The following HDAC7 variants were observed in gnomAD, a reference collection of about 807,000 sequenced individuals.
HDAC7 encodes histone deacetylase 7A.
A neutral mutation model predicts 115.5 loss-of-function variants in HDAC7; 26 were observed. The ratio of observed to expected loss-of-function variants is 0.23; its 90% CI spans 0.16 to 0.31. HDAC7 has a LOEUF of 0.31. Among genes scored for constraint, HDAC7 ranks in the 10% least tolerant of loss-of-function variants. The pLI is 1.00. For missense variants in HDAC7, 1,068 were observed against 1,329.0 expected (o/e 0.80, Z 3.05); for synonymous variants, 564 against 550.9 (o/e 1.02, Z -0.33).
rs917336226 is a variant in HDAC7 at position 47,796,925 on chromosome 12, G to A, written c.703+92C>T. ...TGCAACCACGCATGGCAGTCCTAAG[G>A]AGGGGACCCCTGTCTAGGTGGGGCC... is the stretch of plus-strand genomic sequence containing the variant. On this transcript the variant is annotated intron_variant, in intron 7 of 25. Transcript: ENST00000080059. The A allele has an allele frequency of 2.3e-5, 32 of 1,419,766 alleles. No homozygotes were observed. In the African/African-American group the frequency reaches 4.3e-4, roughly 19 times the overall value. The allele number at this position is 1,419,766 out of a possible 1,614,324, so 87.9% of individuals were successfully genotyped here. A position where few individuals can be genotyped will look rare whatever the true frequency, so the allele number is the denominator to read the frequency against.
chr12:47,802,627 C>A, intron 1 of HDAC7: 1 of 686,510 alleles, frequency 1.5e-6, no homozygotes, highest in South Asian at 1.9e-5. Flanking sequence ...AAACCAGGCT[C>A]CCATCGCCCG....
intron 13 of HDAC7, chr12:47,792,780 T>G: frequency 2.3e-6 from 1 of 426,604 alleles, no homozygotes; most frequent in South Asian, 1.6e-5. Flanking sequence ...ATGAAATACA[T>G]TAATGAAATA....
chr12:47,814,441 C>A (rs967177542), intron 1 of HDAC7, among the ~76,000 whole-genome samples: 1 of 152,170 alleles, frequency 6.6e-6, no homozygotes, highest in Admixed American at 6.5e-5. Flanking sequence ...GGGGAGATGG[C>A]GGAGAAGGGA....
intron 19 of HDAC7, 81 bp from the exon 20 acceptor site, chr12:47,788,245 GCCATTCTGAGGTCAGGAC>G: frequency 6.7e-7 from 1 of 1,493,678 alleles, no homozygotes; most frequent in African/African-American, 1.4e-5. Flanking sequence ...AAGGTCAGTG[GCCATTCTGAGGTCAGGAC>G]CCTAGACTGG....
chr12:47,784,302 C>A, intron 24 of HDAC7, 85 bp from the exon 25 acceptor site: 1 of 1,434,164 alleles, frequency 7.0e-7, no homozygotes, highest in Non-Finnish European at 9.3e-7. Flanking sequence ...AGGTTGGTGT[C>A]TCAGGCCCAG....
chr12:47,798,139 C>G lies in HDAC7; in HGVS notation c.430G>C (p.Val144Leu). ...GGAATGCCGGGGCTGTTGGGATGGA[C>G]TGTTCTTTCTAGGGCCGCCTGCTGT... ...KKQQAALERT[V>L]HPNSPGIPYR... Residue 144 changes from valine (V) to leucine (L), a missense_variant, in exon 5 of 26, where the codon GTC (valine) becomes CTC (leucine). By Grantham distance (32) the Val-to-Leu change is conservative. Around this residue, in one of 6 missense-constraint regions of HDAC7, gnomAD observed 618 missense variants for 701.5 expected, o/e 0.88. Transcript: ENST00000080059. This position sits in a 1 kb window ranked among gnomAD's most constrained non-coding sequence, Gnocchi z 4.3. 1 of 1,613,726 alleles carries G rather than the reference C, an allele frequency of 6.2e-7. No individual in the cohort carries two copies. Among genetic ancestry groups the G allele is most frequent in the Non-Finnish European group, 8.5e-7 (1 of 1,179,854 alleles).
At chr12:47,810,228 G>C (rs143160415) in intron 1 of HDAC7, among the ~76,000 whole-genome samples, 3,337 of 152,300 alleles carry the variant, frequency 0.022, 140 homozygotes, top group African/African-American at 0.077. Flanking sequence ...TTACAGGCGT[G>C]AACCACTGCG....
intron 1 of HDAC7, among the ~76,000 whole-genome samples, chr12:47,806,447 C>T (rs1380583746): frequency 6.6e-6 from 1 of 152,204 alleles, no homozygotes; most frequent in Non-Finnish European, 1.5e-5. Context: ...GGAAGTTCTG[C>T]CCTGGCCAAG....
chr12:47,810,975 G>A (rs1247491568), intron 1 of HDAC7, among the ~76,000 whole-genome samples: 1 of 152,060 alleles, frequency 6.6e-6, no homozygotes, highest in African/African-American at 2.4e-5. Flanking sequence ...ACAGCCGCAC[G>A]GCTATCAGCA....
At position 47,797,895 on chromosome 12, in the gene HDAC7, T is replaced by TGTGTGTGTGTGTGTGTGTGTGAGA. The variant is rs35753431; in HGVS notation, c.461+212_461+213insTCTCACACACACACACACACACAC. On this transcript the variant is annotated intron_variant, in intron 5 of 25. Coordinates refer to ENST00000080059, the MANE Select transcript of HDAC7 (RefSeq NM_015401.5). The surrounding 1 kb of genome is among the most constrained non-coding windows in gnomAD (Gnocchi z 5.5). ...GTGTGTGTGTGTGTGTGTGTGTGTGTGAGAAGGGCTCAGGTGGGGTGGGGA... is the reference window on the plus strand; with the variant it reads ...GTGTGTGTGTGTGTGTGTGTGTGTGTGTGTGTGTGTGTGTGTGTGTGAGAGAGAAGGGCTCAGGTGGGGTGGGGA... 2.3e-4 allele frequency among the ~76,000 whole-genome samples: 33 copies of TGTGTGTGTGTGTGTGTGTGTGAGA among 143,350 alleles called. No individual in the cohort carries two copies. The highest frequency in any genetic ancestry group is 8.8e-4 in the African/African-American group (32 of 36,390). The allele number at this position is 143,350 out of a possible 152,430, so 94.0% of individuals were successfully genotyped here.
In HDAC7 at chr12:47,791,987, C is replaced by T. The variant is rs776553613; in HGVS notation, c.1696G>A (p.Val566Ile). 1.2e-6 allele frequency: 2 copies of T among 1,610,164 alleles called. No individual in the cohort carries two copies. Among genetic ancestry groups the T allele is most frequent in the Non-Finnish European group, 1.7e-6 (2 of 1,178,026 alleles). ...CAGGAGCACTGGTGCTTCAGCATGACCGAGTCATAGATCAGCCCTGCAGGA... is the reference window on the plus strand; with the variant it reads ...CAGGAGCACTGGTGCTTCAGCATGATCGAGTCATAGATCAGCCCTGCAGGA... ...PFTTGLIYDS[V>I]MLKHQCSCGD... The change falls in exon 14 of 26, where the codon GTC becomes ATC. Residue 566 changes from valine (V) to isoleucine (I), a missense_variant. Coordinates refer to ENST00000080059, the MANE Select transcript of HDAC7 (RefSeq NM_015401.5).
At chr12:47,787,877 G>A (rs1039547342) in intron 20 of HDAC7, 68 bp from the exon 21 acceptor site, 1 of 1,540,986 alleles carries the variant, frequency 6.5e-7, no homozygotes, top group Non-Finnish European at 8.9e-7. Flanking sequence ...CAGTTTGTTA[G>A]AGCTGCCAGC....
intron 12 of HDAC7, among the ~76,000 whole-genome samples, chr12:47,794,543 G>A (rs534222115): frequency 3.3e-5 from 5 of 152,348 alleles, no homozygotes; most frequent in Admixed American, 2.6e-4. Flanking sequence ...AGACTGGCAA[G>A]CTGTTGTGTG....
chr12:47,795,559 C>T lies in HDAC7; in HGVS notation c.1087+28G>A, dbSNP rs2525054. 3,158 of 1,547,548 alleles carry T rather than the reference C, an allele frequency of 2.0e-3. 61 individuals carry two copies. The African/African-American group carries it at 0.039, about 19-fold the overall frequency. On this transcript the variant is annotated intron_variant, in intron 10 of 25. Transcript: ENST00000080059. This position sits in a 1 kb window ranked among gnomAD's most constrained non-coding sequence, Gnocchi z 4.3. ...TCTTAGCAGGGTGCAGGGACCCAGC[C>T]CCTTCCCTGAAGAAGCAGCAGACTC...
intron 2 of HDAC7, among the ~76,000 whole-genome samples, chr12:47,799,302 G>A (rs1302418060): frequency 6.6e-6 from 1 of 152,092 alleles, no homozygotes; most frequent in Non-Finnish European, 1.5e-5. Context: ...GATCTCCGAT[G>A]GGCTGCAGAT....
chr12:47,806,395 G>C (rs530057584), intron 1 of HDAC7, among the ~76,000 whole-genome samples: 11 of 152,376 alleles, frequency 7.2e-5, no homozygotes, highest in African/African-American at 2.6e-4. Context: ...ACCTACTTCA[G>C]GCTGGGCGAG....
rs1212049640 is a variant in HDAC7 at position 47,798,317 on chromosome 12, G to A, written c.350-98C>T. The A allele has an allele frequency of 2.7e-5, 28 of 1,040,658 alleles. No individual in the cohort carries two copies. Among genetic ancestry groups the A allele is most frequent in the East Asian group, 1.4e-4 (6 of 42,296 alleles). 64.5% of individuals were successfully genotyped at this position (1,040,658 alleles called of 1,614,324 possible). A position where few individuals can be genotyped will look rare whatever the true frequency, so the allele number is the denominator to read the frequency against. On this transcript the variant is annotated intron_variant, in intron 4 of 25. Transcript: ENST00000080059. This position sits in a 1 kb window ranked among gnomAD's most constrained non-coding sequence, Gnocchi z 4.3. ...CCTGTCCCCATCCTCAGTAGGAGGC[G>A]TCCCAGGGACTCCCTAGGCAAGAGC...
chr12:47,786,655 C>T lies in HDAC7; in HGVS notation c.2502G>A (p.Leu834=). Residue 834 remains leucine (L), a synonymous_variant, in exon 22 of 26, where the codon CTG becomes CTA. Coordinates refer to ENST00000080059, the MANE Select transcript of HDAC7 (RefSeq NM_015401.5). The part of the protein sequence containing the change: ...IAREFSPDLV[L]VSAGFDAAEG... ...CAGCAGCATCAAATCCAGCAGACACCAGGACTAGGTCTGGAGAGAACTCTC... is the reference window on the plus strand; with the variant it reads ...CAGCAGCATCAAATCCAGCAGACACTAGGACTAGGTCTGGAGAGAACTCTC... 1 of 1,614,146 alleles carries T rather than the reference C, an allele frequency of 6.2e-7. No individual in the cohort carries two copies. The highest frequency in any genetic ancestry group is 8.5e-7 in the Non-Finnish European group (1 of 1,180,036).
chr12:47,794,583 ATGTG>A (rs1004129035), intron 12 of HDAC7, among the ~76,000 whole-genome samples, 173 bp downstream of exon 12: 1 of 152,154 alleles, frequency 6.6e-6, no homozygotes, highest in African/African-American at 2.4e-5. Flanking sequence ...GTGAGTGTGC[ATGTG>A]TGTGTGTGCC....
Sources: allele counts gnomAD v4.1 joint callset (sites outside exome capture counted in the v4.1 genomes callset), GRCh38; gene constraint gnomAD v4.1.1; regional missense constraint gnomAD v4.1.1; non-coding constraint Gnocchi (gnomAD v3.1); transcripts MANE v1.5; gene names NCBI Gene and HGNC (gene_info 2026-07-23, HGNC 2026-07-21).